Variants in WWC2 observed in about 807,000 individuals in gnomAD.
WWC2 encodes protein WWC2.
In WWC2, 101 loss-of-function variants were observed where a neutral mutation model predicts 138.5. The observed-to-expected ratio is 0.73, with a 90% CI of 0.62 to 0.86. WWC2 has a LOEUF of 0.86. Ranked by LOEUF, WWC2 falls within the 40% of genes least tolerant of loss-of-function variation. The pLI is 0.00. For synonymous variants in WWC2, 558 were observed against 538.4 expected, an observed-to-expected ratio of 1.04 and a Z score of -0.50; for missense variants, 1,420 against 1,419.4, an observed-to-expected ratio of 1.00 and a Z score of -0.01.
rs1234780320 is a variant in WWC2 at position 183,202,975 on chromosome 4, TTTA to T, written c.242-4974_242-4972del. On this transcript the variant is annotated intron_variant, in intron 2 of 22. Transcript: ENST00000403733. ...AAACAGCCCCCTGAATTAGCTCCAT[TTTA>T]TTAAGGAGGAAATTGAACCCTGGAA... Among the ~76,000 whole-genome samples, 5 of 152,292 alleles carry T rather than the reference TTTA, an allele frequency of 3.3e-5. No individual in the cohort carries two copies. The East Asian group carries it at 9.7e-4, about 29-fold the overall frequency.
intron 21 of WWC2, among the ~76,000 whole-genome samples, chr4:183,308,753 C>G (rs1324541103): frequency 6.6e-6 from 1 of 152,084 alleles, no homozygotes; most frequent in Non-Finnish European, 1.5e-5. Flanking sequence ...AATTGTTATG[C>G]TATATTTAAT....
At chr4:183,292,032 T>TA (rs33964356) in intron 21 of WWC2, among the ~76,000 whole-genome samples, 64,680 of 145,114 alleles carry the variant, frequency 0.45, 14,598 homozygotes, top group Middle Eastern at 0.54. Context: ...CAAAAAAAAT[T>TA]AAAAAAAAAA....
At position 183,137,800 on chromosome 4, in the gene WWC2, A is replaced by G. The variant is rs191563111; in HGVS notation, c.131+38178A>G. ...AGGTGTGAGCCACCGTGCCTGGCCT[A>G]TAGTCTTATGGAACCAAAATGTCAT... On this transcript the variant is annotated intron_variant, in intron 1 of 22. Coordinates refer to ENST00000403733, the MANE Select transcript of WWC2 (RefSeq NM_024949.6). 7.2e-4 allele frequency among the ~76,000 whole-genome samples: 109 copies of G among 152,290 alleles called. 1 individual carries two copies. The highest frequency in any genetic ancestry group is 2.4e-3 in the African/African-American group (100 of 41,558).
chr4:183,113,048 G>T (rs1732287127), intron 1 of WWC2, among the ~76,000 whole-genome samples: 1 of 152,038 alleles, frequency 6.6e-6, no homozygotes, highest in African/African-American at 2.4e-5. Flanking sequence ...CGAGGCAGGT[G>T]GATCACCTGA....
At chr4:183,171,103 T>C (rs1734266054) in intron 1 of WWC2, among the ~76,000 whole-genome samples, 2 of 152,360 alleles carry the variant, frequency 1.3e-5, no homozygotes, top group South Asian at 4.1e-4. Context: ...TTCTTTGTAC[T>C]GTTTACAGGG....
chr4:183,292,540 G>A (rs939190005), intron 21 of WWC2, among the ~76,000 whole-genome samples: 1 of 151,802 alleles, frequency 6.6e-6, no homozygotes, highest in African/African-American at 2.4e-5. Context: ...TTGGACATAC[G>A]TCTAGGAAAA....
chr4:183,300,616 C>T (rs548397160), intron 21 of WWC2, among the ~76,000 whole-genome samples: 17 of 152,018 alleles, frequency 1.1e-4, no homozygotes, highest in Non-Finnish European at 4.4e-5. Flanking sequence ...ATATGTTTTG[C>T]CACCTAATTT....
At chr4:183,114,299 T>TG (rs1732343641) in intron 1 of WWC2, among the ~76,000 whole-genome samples, 1 of 152,194 alleles carries the variant, frequency 6.6e-6, no homozygotes, top group Non-Finnish European at 1.5e-5. Context: ...AGCAGGTGAC[T>TG]GGGGCCATGC....
Position 183,315,903 on chromosome 4 carries a change from T to A in WWC2, c.*174T>A. 1.8e-6 allele frequency: 1 copy of A among 542,192 alleles called. No homozygotes were observed. Among genetic ancestry groups the A allele is most frequent in the East Asian group, 3.1e-5 (1 of 32,320 alleles). 33.6% of individuals were successfully genotyped at this position (542,192 alleles called of 1,614,324 possible). Reference sequence around the variant, plus strand: ...CAACACATTAATTTGTAAAGTACCTTGAGTGTAATTTTTATATGCTTAAAA... The same window carrying A: ...CAACACATTAATTTGTAAAGTACCTAGAGTGTAATTTTTATATGCTTAAAA... On this transcript the variant is annotated 3_prime_UTR_variant, in exon 23 of 23. Coordinates refer to ENST00000403733, the MANE Select transcript of WWC2 (RefSeq NM_024949.6).
At chr4:183,268,183 A>G (rs975909027) in intron 14 of WWC2, among the ~76,000 whole-genome samples, 1 of 152,208 alleles carries the variant, frequency 6.6e-6, no homozygotes, top group Non-Finnish European at 1.5e-5. Context: ...TCTAGATTAG[A>G]CAAGCCTGGA....
intron 4 of WWC2, 59 bp from the exon 5 acceptor site, chr4:183,240,124 G>A: frequency 8.1e-7 from 1 of 1,234,486 alleles, no homozygotes; most frequent in Non-Finnish European, 1.1e-6. Context: ...TTTTAAAACT[G>A]TAGACTGTGT....
intron 21 of WWC2, among the ~76,000 whole-genome samples, chr4:183,300,589 C>T (rs1738802128): frequency 6.6e-6 from 1 of 152,104 alleles, no homozygotes; most frequent in Non-Finnish European, 1.5e-5. Flanking sequence ...TGATTATTAG[C>T]AGCTGATAAT....
At chr4:183,116,742 G>A (rs1429547187) in intron 1 of WWC2, among the ~76,000 whole-genome samples, 2 of 152,172 alleles carry the variant, frequency 1.3e-5, no homozygotes, top group South Asian at 2.1e-4. Flanking sequence ...AACTACATGT[G>A]TACTGTATTT....
At chr4:183,216,540 G>T (rs980497935) in intron 4 of WWC2, among the ~76,000 whole-genome samples, 14 of 152,160 alleles carry the variant, frequency 9.2e-5, no homozygotes, top group African/African-American at 3.4e-4. Flanking sequence ...CTAACAGCAG[G>T]TGATTAGAGA....
At chr4:183,120,356 C>T (rs1293635819) in intron 1 of WWC2, among the ~76,000 whole-genome samples, 2 of 152,176 alleles carry the variant, frequency 1.3e-5, no homozygotes, top group African/African-American at 4.8e-5. Context: ...ACAAAGATCT[C>T]TACTGTGATT....
At chr4:183,208,181 CT>C (rs777869153) in intron 3 of WWC2, 25 bp downstream of exon 3, 3 of 1,610,356 alleles carry the variant, frequency 1.9e-6, no homozygotes, top group Non-Finnish European at 2.5e-6. Context: ...GCTATTCAGA[CT>C]TTGGAAGTGG....
At chr4:183,288,423 A>C (rs899522545) in intron 20 of WWC2, among the ~76,000 whole-genome samples, 1 of 152,172 alleles carries the variant, frequency 6.6e-6, no homozygotes, top group Non-Finnish European at 1.5e-5. Context: ...TAATCTAGGC[A>C]AGAAATACCT....
At chr4:183,241,083 A>G (rs1284684268) in intron 5 of WWC2, among the ~76,000 whole-genome samples, 1 of 152,178 alleles carries the variant, frequency 6.6e-6, no homozygotes, top group Non-Finnish European at 1.5e-5. Flanking sequence ...CCACATGACC[A>G]CGGAGAGGAG....
At chr4:183,222,374 CTA>C (rs1000709157) in intron 4 of WWC2, among the ~76,000 whole-genome samples, 102 of 151,832 alleles carry the variant, frequency 6.7e-4, no homozygotes, top group African/African-American at 2.3e-3. Context: ...TTTAACATAT[CTA>C]TGATAGCCAT....
Sources: gnomAD v4.1 joint callset for allele counts (sites outside exome capture counted in the v4.1 genomes callset) on GRCh38, gnomAD v4.1.1 for gene constraint, MANE v1.5 for transcripts, NCBI Gene and HGNC (gene_info 2026-07-23, HGNC 2026-07-21) for gene names.